FBN1: variants seen among roughly 807,000 people sequenced by gnomAD.
The protein encoded by FBN1 is fibrillin-1.
Under a neutral mutation model 365.1 loss-of-function variants are expected in FBN1, and 29 were observed. That is an observed-to-expected ratio of 0.08 (90% CI 0.06 to 0.11). The LOEUF (loss-of-function observed/expected upper bound fraction) is 0.11, where lower values mean the gene tolerates loss of function less well. Among genes scored for constraint, FBN1 ranks in the 10% least tolerant of loss-of-function variants. FBN1 has a pLI of 1.00. For synonymous variants in FBN1, 1,210 were observed against 1,270.5 expected, an observed-to-expected ratio of 0.95 and a Z score of 1.01; for missense variants, 2,476 against 3,703.2, an observed-to-expected ratio of 0.67 and a Z score of 8.60.
At chr15:48,633,897 G>A (rs999408449) in intron 2 of FBN1, among the ~76,000 whole-genome samples, 2 of 152,096 alleles carry the variant, frequency 1.3e-5, no homozygotes, top group African/African-American at 2.4e-5. Flanking sequence ...CCTACGAACC[G>A]GAGAGGAAAA....
intron 17 of FBN1, among the ~76,000 whole-genome samples, chr15:48,500,251 G>C (rs557289806): frequency 6.6e-6 from 1 of 151,236 alleles, no homozygotes; most frequent in African/African-American, 2.4e-5. Context: ...AATCATACCA[G>C]TTTTATAAAA....
At position 48,508,596 on chromosome 15, in the gene FBN1, C is replaced by T. The variant is rs368283028; in HGVS notation, c.1823G>A (p.Gly608Glu). Residue 608 changes from glycine (G) to glutamate (E), a missense_variant, in exon 15 of 66, where the codon GGA (glycine) becomes GAA (glutamate). By Grantham distance (98) the Gly-to-Glu change is moderately conservative. This residue lies in a region of FBN1 where 1,780 missense variants were observed against 2,840.8 expected (regional missense o/e 0.63). Transcript: ENST00000316623. ...CKPGFQLASD[G>E]RYCKDINECE... The stretch of plus-strand genomic sequence containing the variant: ...ATAGCACGAACCTTTGCAATAACGT[C>T]CATCTGATGCCAGCTGGAATCCAGG... 1 of 1,613,832 alleles carries T rather than the reference C, an allele frequency of 6.2e-7. No homozygotes were observed. The highest frequency in any genetic ancestry group is 8.5e-7 in the Non-Finnish European group (1 of 1,179,748).
chr15:48,447,216 A>G (rs1366744366), intron 46 of FBN1, among the ~76,000 whole-genome samples: 4 of 152,172 alleles, frequency 2.6e-5, no homozygotes, highest in African/African-American at 9.7e-5. Context: ...TCAACCTTCA[A>G]GATTCTCACT....
chr15:48,478,169 G>A (rs2043436986), intron 32 of FBN1, among the ~76,000 whole-genome samples: 2 of 152,180 alleles, frequency 1.3e-5, no homozygotes, highest in Non-Finnish European at 2.9e-5. Context: ...GAGGCCAAAC[G>A]TGAAGGCTAC....
intron 2 of FBN1, among the ~76,000 whole-genome samples, chr15:48,626,213 C>T (rs1444313770): frequency 2.7e-5 from 4 of 149,374 alleles, no homozygotes; most frequent in East Asian, 3.9e-4. Context: ...GCCGCAATCA[C>T]GCCACTGCAC....
chr15:48,605,027 G>T (rs2044595721), intron 4 of FBN1, among the ~76,000 whole-genome samples: 1 of 152,130 alleles, frequency 6.6e-6, no homozygotes, highest in Non-Finnish European at 1.5e-5. Flanking sequence ...TTGAATTGAA[G>T]TAAATTAAAT....
At chr15:48,441,187 A>T (rs2043111935) in intron 50 of FBN1, among the ~76,000 whole-genome samples, 2 of 152,198 alleles carry the variant, frequency 1.3e-5, no homozygotes, top group Non-Finnish European at 2.9e-5. Context: ...TCTTTACTCA[A>T]ATAGTTGACA....
chr15:48,451,909 C>T (rs1297130992), intron 45 of FBN1, among the ~76,000 whole-genome samples: 3 of 152,216 alleles, frequency 2.0e-5, no homozygotes, highest in Admixed American at 1.3e-4. Flanking sequence ...TGATAACATG[C>T]CAACGTGCTT....
chr15:48,488,365 G>A lies in FBN1; in HGVS notation c.3208+3C>T. On this transcript the variant is annotated splice_donor_region_variant and intron_variant, in intron 26 of 65. Transcript: ENST00000316623. ...TCCTGGCCCTTAAGGCTCATTAACT[G>A]ACCTGTGCAGTTCCTTTCTTCAGAA... 6.2e-7 allele frequency: 1 copy of A among 1,614,178 alleles called. No homozygotes were observed. Among genetic ancestry groups the A allele is most frequent in the Non-Finnish European group, 8.5e-7 (1 of 1,180,034 alleles).
chr15:48,463,029 T>C, intron 42 of FBN1, 53 bp downstream of exon 42: 1 of 1,553,380 alleles, frequency 6.4e-7, no homozygotes, highest in South Asian at 1.1e-5. Context: ...CCCCAACAAT[T>C]CATGGGTAAT....
In FBN1 at chr15:48,420,192, A is replaced by AAAAAC. The variant is rs797000912; in HGVS notation, c.7819+490_7819+494dup. The stretch of plus-strand genomic sequence containing the variant: ...TTATCAAAAGAATTTAGCAATCTTG[A>AAAAAC]AAAACAAAACAAAACAAAACAAAAC... On this transcript the variant is annotated intron_variant, in intron 63 of 65. Transcript: ENST00000316623. Among the ~76,000 whole-genome samples, 44 of 77,842 alleles carry AAAAAC rather than the reference A, an allele frequency of 5.7e-4. 1 individual carries two copies. The highest frequency in any genetic ancestry group is 1.1e-3 in the African/African-American group (27 of 24,626). 51.1% of individuals were successfully genotyped at this position (77,842 alleles called of 152,430 possible). A position where few individuals can be genotyped will look rare whatever the true frequency, so the allele number is the denominator to read the frequency against.
At chr15:48,568,141 CA>C (rs36008742) in intron 6 of FBN1, among the ~76,000 whole-genome samples, 14,406 of 78,916 alleles carry the variant, frequency 0.18, 922 homozygotes, top group East Asian at 0.28. Flanking sequence ...AGGAATCTAC[CA>C]AAAAAAAAAA....
chr15:48,597,118 C>G (rs2044522149), intron 5 of FBN1, among the ~76,000 whole-genome samples: 1 of 152,204 alleles, frequency 6.6e-6, no homozygotes, highest in Non-Finnish European at 1.5e-5. Context: ...CAAAGCCCAG[C>G]TGAAATCTTA....
chr15:48,622,966 T>A (rs189930607), intron 2 of FBN1, among the ~76,000 whole-genome samples: 4 of 152,190 alleles, frequency 2.6e-5, no homozygotes, highest in Admixed American at 6.5e-5. Flanking sequence ...TCCAGACATA[T>A]CTTCAAAAAC....
chr15:48,552,291 GA>G (rs2044148429), intron 6 of FBN1, among the ~76,000 whole-genome samples: 1 of 89,026 alleles, frequency 1.1e-5, no homozygotes, highest in Non-Finnish European at 2.4e-5. Flanking sequence ...TTTTTTTTTT[GA>G]GACAGAATCT....
chr15:48,575,759 A>T (rs2044341616), intron 6 of FBN1, among the ~76,000 whole-genome samples: 1 of 151,952 alleles, frequency 6.6e-6, no homozygotes, highest in Non-Finnish European at 1.5e-5. Flanking sequence ...TAGAATCAAC[A>T]TAAGGATTCA....
chr15:48,444,501 C>A (rs2043138724), intron 49 of FBN1, 40 bp downstream of exon 49: 3 of 1,611,742 alleles, frequency 1.9e-6, no homozygotes, highest in Non-Finnish European at 2.5e-6. Flanking sequence ...CCAGTGGACA[C>A]CCGACACTCC....
In FBN1 at chr15:48,497,667, TCTC is replaced by T. The variant is rs3830220; in HGVS notation, c.2168-279_2168-277del. ...CAAGCTGAAGGAGACCTCCTGGACT[TCTC>T]CTAGTCCAAGCACCAAGATGGAAAA... On this transcript the variant is annotated intron_variant, in intron 18 of 65. Coordinates refer to ENST00000316623, the MANE Select transcript of FBN1 (RefSeq NM_000138.5). 0.015 allele frequency among the ~76,000 whole-genome samples: 2,315 copies of T among 152,006 alleles called. 197 individuals are homozygous for T. The East Asian group carries it at 0.24, about 16-fold the overall frequency.
intron 2 of FBN1, among the ~76,000 whole-genome samples, chr15:48,635,104 T>G (rs574627367): frequency 6.6e-6 from 1 of 152,242 alleles, no homozygotes; most frequent in Non-Finnish European, 1.5e-5. Flanking sequence ...AATGTAAGTA[T>G]GACTGATGGT....
Sources: allele counts gnomAD v4.1 joint callset (sites outside exome capture counted in the v4.1 genomes callset), GRCh38; gene constraint gnomAD v4.1.1; regional missense constraint gnomAD v4.1.1; transcripts MANE v1.5; gene names NCBI Gene and HGNC (gene_info 2026-07-23, HGNC 2026-07-21).